Variants in OGDH observed in about 807,000 individuals in gnomAD.
The protein encoded by OGDH is 2-oxoglutarate dehydrogenase complex component E1.
OGDH carries 38 observed loss-of-function variants against 116.6 expected under a neutral mutation model. The ratio of observed to expected loss-of-function variants is 0.33; its 90% CI spans 0.25 to 0.43. OGDH has a LOEUF of 0.43. Among genes scored for constraint, OGDH ranks in the 20% least tolerant of loss-of-function variants. The pLI is 1.00. For synonymous variants in OGDH, 488 were observed against 533.3 expected, an observed-to-expected ratio of 0.92 and a Z score of 1.17; for missense variants, 825 against 1,357.2, an observed-to-expected ratio of 0.61 and a Z score of 6.16.
At chr7:44,698,100 G>C in intron 17 of OGDH, 92 bp from the exon 18 acceptor site, 1 of 1,411,826 alleles carries the variant, frequency 7.1e-7, no homozygotes, top group Non-Finnish European at 9.9e-7. Context: ...AAGATAACCA[G>C]AAATGAGCTA....
chr7:44,691,627 A>G (rs899340172), intron 10 of OGDH, among the ~76,000 whole-genome samples: 1 of 152,122 alleles, frequency 6.6e-6, no homozygotes, highest in Non-Finnish European at 1.5e-5. Context: ...GCGTCTTTGC[A>G]TAAAATTTGG....
intron 5 of OGDH, among the ~76,000 whole-genome samples, chr7:44,672,644 GT>G (rs539935339): frequency 0.061 from 8,193 of 133,922 alleles, 246 homozygotes; most frequent in East Asian, 0.085. Context: ...TTTGTTTTTT[GT>G]TTTTTTTTTT....
intron 1 of OGDH, among the ~76,000 whole-genome samples, chr7:44,612,818 C>G (rs1003632159): frequency 6.6e-6 from 1 of 152,174 alleles, no homozygotes; most frequent in African/African-American, 2.4e-5. Context: ...ACTTCAGCCT[C>G]CTGAGTAGCT....
At chr7:44,683,228 T>C (rs1344365092) in intron 10 of OGDH, among the ~76,000 whole-genome samples, 1 of 152,164 alleles carries the variant, frequency 6.6e-6, no homozygotes, top group Non-Finnish European at 1.5e-5. Context: ...ATTATTGTTT[T>C]AGATTTTTGT....
intron 10 of OGDH, 107 bp from the exon 11 acceptor site, chr7:44,693,718 G>C (rs771646204): frequency 2.1e-4 from 202 of 942,832 alleles, no homozygotes; most frequent in Non-Finnish European, 2.8e-4. Context: ...TACGTACTCA[G>C]AGTAGCCAGA....
chr7:44,698,383 T>C, intron 18 of OGDH, 120 bp downstream of exon 18: 1 of 1,035,756 alleles, frequency 9.7e-7, no homozygotes, highest in Non-Finnish European at 1.5e-6. Context: ...CCTTTCTCCA[T>C]CCTGGGGAGC....
rs943889278 is a variant in OGDH at position 44,707,262 on chromosome 7, T to G, written c.2670T>G (p.Pro890=). The change falls in exon 21 of 23, where the codon CCT becomes CCG. Residue 890 remains proline, a synonymous_variant. Transcript: ENST00000222673. This position sits in a 1 kb window ranked among gnomAD's most constrained non-coding sequence, Gnocchi z 5.2. ...HFQRVIPEDG[P]AAQNPENVKR... The stretch of plus-strand genomic sequence containing the variant: ...AGCGGGTGATCCCAGAAGATGGCCC[T>G]GCAGCTCAGAACCCAGAAAATGTCA... The G allele has an allele frequency of 6.2e-7, 1 of 1,614,244 alleles. No homozygotes were observed.
chr7:44,640,199 G>T (rs1785866480), intron 2 of OGDH, among the ~76,000 whole-genome samples: 1 of 152,186 alleles, frequency 6.6e-6, no homozygotes, highest in African/African-American at 2.4e-5. Context: ...CTTTGGCAAG[G>T]TTAAGCTAGG....
At chr7:44,641,815 G>T (rs1054995257) in intron 2 of OGDH, among the ~76,000 whole-genome samples, 3 of 152,218 alleles carry the variant, frequency 2.0e-5, no homozygotes, top group East Asian at 1.9e-4. Context: ...GAAGTCAGAA[G>T]TACCTGAGGG....
In OGDH at chr7:44,697,514, A is replaced by G. The variant is rs902761712; in HGVS notation, c.2179+17A>G. 2.9e-5 allele frequency: 47 copies of G among 1,613,712 alleles called. No individual in the cohort carries two copies. The highest frequency in any genetic ancestry group is 6.7e-5 in the Admixed American group (4 of 59,984). ...GCGTGCTGGGTGAGTGCCTGGAGCC[A>G]CACCACCAGGGCCTGTCACCCACCC... On this transcript the variant is annotated intron_variant, in intron 16 of 22. Coordinates refer to ENST00000222673, the MANE Select transcript of OGDH (RefSeq NM_002541.4). This position sits in a 1 kb window ranked among gnomAD's most constrained non-coding sequence, Gnocchi z 6.0.
chr7:44,698,115 G>T (rs1019446168), intron 17 of OGDH, 77 bp from the exon 18 acceptor site: 3 of 1,486,480 alleles, frequency 2.0e-6, no homozygotes, highest in African/African-American at 1.7e-5. Flanking sequence ...GAGCTAGTTG[G>T]TTGAGGAGGA....
In OGDH at chr7:44,694,474, G is replaced by T; in HGVS notation, c.1566G>T (p.Thr522=). The T allele has an allele frequency of 1.2e-6, 2 of 1,613,958 alleles. No homozygotes were observed. Among genetic ancestry groups the T allele is most frequent in the Non-Finnish European group, 1.7e-6 (2 of 1,180,012 alleles). The change falls in exon 12 of 23, where the codon ACG becomes ACT. Residue 522 remains threonine (T), a synonymous_variant. Transcript: ENST00000222673. This position sits in a 1 kb window ranked among gnomAD's most constrained non-coding sequence, Gnocchi z 4.2. ...GHNEMDEPMF[T]QPLMYKQIRK... is the part of the protein sequence containing the mutation. ...ACGAGATGGATGAGCCCATGTTCAC[G>T]CAGCCGCTCATGTACAAGCAGATCC...
At chr7:44,616,871 ACG>A (rs1279990156) in intron 1 of OGDH, among the ~76,000 whole-genome samples, 38 of 88,114 alleles carry the variant, frequency 4.3e-4, no homozygotes, top group Non-Finnish European at 7.1e-4. Flanking sequence ...ATATATATAT[ACG>A]TATATATATA....
chr7:44,668,953 C>A (rs1585325180), intron 5 of OGDH, among the ~76,000 whole-genome samples: 1 of 152,108 alleles, frequency 6.6e-6, no homozygotes, highest in African/African-American at 2.4e-5. Flanking sequence ...CTGGACCCCC[C>A]ACAAATGGCA....
At chr7:44,658,715 C>T (rs1427929232) in intron 4 of OGDH, among the ~76,000 whole-genome samples, 1 of 151,990 alleles carries the variant, frequency 6.6e-6, no homozygotes, top group Non-Finnish European at 1.5e-5. Flanking sequence ...TTTGTAAATG[C>T]TCTTTATCAA....
chr7:44,617,666 CA>C, intron 1 of OGDH, among the ~76,000 whole-genome samples: 1 of 152,184 alleles, frequency 6.6e-6, no homozygotes, highest in East Asian at 1.9e-4. Context: ...AGACAACAGC[CA>C]TAGGTCTGTA....
At chr7:44,671,682 C>T (rs1165754931) in intron 5 of OGDH, among the ~76,000 whole-genome samples, 1 of 141,938 alleles carries the variant, frequency 7.0e-6, no homozygotes, top group African/African-American at 2.6e-5. Flanking sequence ...GCAGGAGAAT[C>T]GCTTGAACCC....
intron 1 of OGDH, among the ~76,000 whole-genome samples, chr7:44,616,784 C>CAT (rs200517846): frequency 9.5e-5 from 12 of 126,704 alleles, no homozygotes; most frequent in East Asian, 7.9e-4. Context: ...TGTGTATATG[C>CAT]ATATATATAT....
At chr7:44,668,518 CT>C (rs1397455290) in intron 5 of OGDH, among the ~76,000 whole-genome samples, 1 of 152,190 alleles carries the variant, frequency 6.6e-6, no homozygotes, top group Non-Finnish European at 1.5e-5. Flanking sequence ...TTGTCAGCAT[CT>C]CAGCTTGGAG....
Sources: allele counts gnomAD v4.1 joint callset (sites outside exome capture counted in the v4.1 genomes callset), GRCh38; gene constraint gnomAD v4.1.1; non-coding constraint Gnocchi (gnomAD v3.1); transcripts MANE v1.5; gene names NCBI Gene and HGNC (gene_info 2026-07-23, HGNC 2026-07-21).